SEC14L2: variants seen among roughly 807,000 people sequenced by gnomAD.
SEC14L2 encodes SEC14-like protein 2.
In SEC14L2, 50 loss-of-function variants were observed where a neutral mutation model predicts 56.9. The observed-to-expected ratio is 0.88, with a 90% CI of 0.70 to 1.11. SEC14L2 has a LOEUF of 1.11. Among genes scored for constraint, SEC14L2 ranks in the 50% most tolerant of loss-of-function variants. The pLI, the probability that SEC14L2 is intolerant of heterozygous loss-of-function variation, is 0.00. For missense variants in SEC14L2, 414 were observed against 500.7 expected (o/e 0.83, Z 1.65); for synonymous variants, 179 against 188.5 (o/e 0.95, Z 0.41).
chr22:30,401,680 A>ATTT (rs61523027), intron 2 of SEC14L2, among the ~76,000 whole-genome samples: 24,704 of 139,688 alleles, frequency 0.18, 2,518 homozygotes, highest in South Asian at 0.38. Context: ...CGCCCGGCTA[A>ATTT]TTTTTTTTTT....
At chr22:30,416,625 C>G in intron 11 of SEC14L2, 1 of 1,456,446 alleles carries the variant, frequency 6.9e-7, no homozygotes, top group Non-Finnish European at 9.0e-7. Context: ...TCTCATACTC[C>G]TAGGTATGGG....
rs765581765 is a variant in SEC14L2 at position 30,423,023 on chromosome 22, C to T, written c.*616C>T. ...TTTGAGACTTTGGCAACTCCTGGGC[C>T]ACACGGCCTGCCTCTTTGATTACTA... is the stretch of plus-strand genomic sequence containing the variant. On this transcript the variant is annotated 3_prime_UTR_variant, in exon 12 of 12. Coordinates refer to ENST00000615189, the MANE Select transcript of SEC14L2 (RefSeq NM_012429.5). 2 of 152,678 alleles carry T rather than the reference C, an allele frequency of 1.3e-5. No individual in the cohort carries two copies. The highest frequency in any genetic ancestry group is 2.9e-5 in the Non-Finnish European group (2 of 68,090). 9.5% of individuals were successfully genotyped at this position (152,678 alleles called of 1,614,324 possible). A position where few individuals can be genotyped will look rare whatever the true frequency, so the allele number is the denominator to read the frequency against.
At position 30,422,624 on chromosome 22, in the gene SEC14L2, G is replaced by T. The variant is rs1198147708; in HGVS notation, c.*217G>T. On this transcript the variant is annotated 3_prime_UTR_variant, in exon 12 of 12. Transcript: ENST00000615189. ...AGTCCCCAGGAGCTGGCTGGCCATC[G>T]TGATAGGATCTGTCTGTCCTGTAAA... 1.8e-6 allele frequency: 1 copy of T among 543,480 alleles called. No homozygotes were observed. The highest frequency in any genetic ancestry group is 1.9e-5 in the African/African-American group (1 of 52,632). The allele number at this position is 543,480 out of a possible 1,614,324, so 33.7% of individuals were successfully genotyped here. A position where few individuals can be genotyped will look rare whatever the true frequency, so the allele number is the denominator to read the frequency against.
intron 8 of SEC14L2, among the ~76,000 whole-genome samples, chr22:30,413,907 C>T (rs567475129): frequency 3.9e-5 from 6 of 151,902 alleles, no homozygotes; most frequent in African/African-American, 7.3e-5. Flanking sequence ...GGCGTGATCA[C>T]GGCTTACTGG....
chr22:30,400,278 G>A (rs1933889043), intron 2 of SEC14L2: 1 of 152,828 alleles, frequency 6.5e-6, no homozygotes, highest in African/African-American at 2.4e-5. Context: ...CCCAGGTCCT[G>A]GTTCCAGCTC....
chr22:30,419,957 C>CTTTTT (rs762892426), intron 11 of SEC14L2, among the ~76,000 whole-genome samples: 1 of 137,146 alleles, frequency 7.3e-6, no homozygotes, highest in Non-Finnish European at 1.6e-5. Context: ...CTTTTCTTTT[C>CTTTTT]TTTTTTTTTT....
chr22:30,401,928 T>C (rs934806222), intron 2 of SEC14L2, among the ~76,000 whole-genome samples: 2 of 152,100 alleles, frequency 1.3e-5, no homozygotes, highest in African/African-American at 2.4e-5. Flanking sequence ...GACATGCACA[T>C]GCACACCCTA....
At chr22:30,414,778 A>G (rs78222287) in intron 8 of SEC14L2, among the ~76,000 whole-genome samples, 6 of 152,240 alleles carry the variant, frequency 3.9e-5, no homozygotes, top group Non-Finnish European at 2.9e-5. Context: ...AAAAAAAAAA[A>G]AGAGCCAAAT....
chr22:30,400,854 C>T (rs924673606), intron 2 of SEC14L2, among the ~76,000 whole-genome samples: 5 of 136,372 alleles, frequency 3.7e-5, no homozygotes, highest in Non-Finnish European at 6.1e-5. Flanking sequence ...GACATTTCGC[C>T]ACTGCACTCC....
intron 11 of SEC14L2, among the ~76,000 whole-genome samples, chr22:30,422,071 T>TTCTG (rs1934533569): frequency 6.6e-6 from 1 of 152,200 alleles, no homozygotes; most frequent in Non-Finnish European, 1.5e-5. Flanking sequence ...ACTTGGCATG[T>TTCTG]TCTGCCTATT....
In SEC14L2 at chr22:30,399,639, A is replaced by G. The variant is rs534345146; in HGVS notation, c.55-4A>G. 3.1e-6 allele frequency: 5 copies of G among 1,612,280 alleles called. No individual in the cohort carries two copies. The highest frequency in any genetic ancestry group is 4.2e-6 in the Non-Finnish European group (5 of 1,178,900). ...ACCACTCACCCCGATGCCTCTCCCTACAGTTTCGGGAGAATGTCCAGGATG... is the reference window on the plus strand; with the variant it reads ...ACCACTCACCCCGATGCCTCTCCCTGCAGTTTCGGGAGAATGTCCAGGATG... On this transcript the variant is annotated splice_region_variant and splice_polypyrimidine_tract_variant and intron_variant, in intron 1 of 11. Coordinates refer to ENST00000615189, the MANE Select transcript of SEC14L2 (RefSeq NM_012429.5).
At chr22:30,417,385 T>C (rs1934414750) in intron 11 of SEC14L2, among the ~76,000 whole-genome samples, 1 of 152,204 alleles carries the variant, frequency 6.6e-6, no homozygotes, top group African/African-American at 2.4e-5. Flanking sequence ...AGAAAAACCA[T>C]ACCTACACTC....
intron 8 of SEC14L2, among the ~76,000 whole-genome samples, chr22:30,414,204 C>T (rs1170603115): frequency 6.6e-6 from 1 of 152,232 alleles, no homozygotes; most frequent in Non-Finnish European, 1.5e-5. Flanking sequence ...TATCCCAACT[C>T]TCCAGCTGGA....
chr22:30,421,595 G>C (rs1380456706), intron 11 of SEC14L2: 1 of 152,148 alleles, frequency 6.6e-6, no homozygotes, highest in African/African-American at 2.4e-5. Flanking sequence ...GGGATGCAAC[G>C]AGCATCTCTG....
chr22:30,403,414 T>C (rs1018486576), intron 2 of SEC14L2, among the ~76,000 whole-genome samples: 1 of 152,070 alleles, frequency 6.6e-6, no homozygotes, highest in African/African-American at 2.4e-5. Context: ...TCTCTGCATT[T>C]TACAGGTCTA....
At chr22:30,402,741 T>G (rs1268481095) in intron 2 of SEC14L2, among the ~76,000 whole-genome samples, 2 of 67,136 alleles carry the variant, frequency 3.0e-5, no homozygotes, top group East Asian at 5.3e-4. Flanking sequence ...CTCAATTGGG[T>G]TTTTTTTTTT....
intron 8 of SEC14L2, among the ~76,000 whole-genome samples, chr22:30,411,257 T>C (rs774344422): frequency 2.8e-4 from 43 of 151,146 alleles, no homozygotes; most frequent in Non-Finnish European, 5.8e-4. Context: ...CAAGACCTTG[T>C]TTTTTAAAAA....
At position 30,415,456 on chromosome 22, in the gene SEC14L2, C is replaced by G. The variant is rs569615778; in HGVS notation, c.665-303C>G. Among the ~76,000 whole-genome samples, 5 of 152,234 alleles carry G rather than the reference C, an allele frequency of 3.3e-5. No homozygotes were observed. The East Asian group carries it at 9.7e-4, about 29-fold the overall frequency. On this transcript the variant is annotated intron_variant, in intron 8 of 11. Coordinates refer to ENST00000615189, the MANE Select transcript of SEC14L2 (RefSeq NM_012429.5). Reference sequence around the variant, plus strand: ...TCAAACAGAAAAGCCTTCTCAAGTACTTAGTTCATTTCACTCCCACCATAA... The same window carrying G: ...TCAAACAGAAAAGCCTTCTCAAGTAGTTAGTTCATTTCACTCCCACCATAA...
At chr22:30,416,688 C>T in intron 11 of SEC14L2, 1 of 1,414,850 alleles carries the variant, frequency 7.1e-7, no homozygotes, top group Non-Finnish European at 9.2e-7. Context: ...CTTTCTGGTC[C>T]AGGTCTAACT....
Sources: allele counts gnomAD v4.1 joint callset (sites outside exome capture counted in the v4.1 genomes callset), GRCh38; gene constraint gnomAD v4.1.1; transcripts MANE v1.5; gene names NCBI Gene and HGNC (gene_info 2026-07-23, HGNC 2026-07-21).